The following AMELX variants were observed in gnomAD, a reference collection of about 807,000 sequenced individuals.
AMELX encodes the protein amelogenin, X isoform.
AMELX carries 9 observed loss-of-function variants against 15.8 expected under a neutral mutation model. The observed-to-expected ratio is 0.57, with a 90% CI of 0.34 to 0.99. The LOEUF (loss-of-function observed/expected upper bound fraction) is 0.99, where lower values mean the gene tolerates loss of function less well. AMELX is among the 50% of genes least tolerant of loss of function. The pLI is 0.02. For missense variants in AMELX, 107 were observed against 156.2 expected (o/e 0.68, Z 1.68); for synonymous variants, 61 against 58.8 (o/e 1.04, Z -0.17).
rs750108771 is a variant in AMELX, at chrX:11,300,625, T to A, written c.*13T>A. The A allele has an allele frequency of 2.5e-6, 3 of 1,193,346 alleles. No individual in the cohort carries two copies. The African/African-American group carries it at 5.3e-5, about 21-fold the overall frequency. The stretch of plus-strand genomic sequence containing the variant: ...TTTTCAGGATTAAAAGATCAGAAGA[T>A]GAGAGGGGAATGAATACTTCAGATG... On this transcript the variant is annotated 3_prime_UTR_variant, in exon 6 of 6. Coordinates refer to ENST00000380714, the MANE Select transcript of AMELX (RefSeq NM_001142.2).
At chrX:11,300,349 C>T (rs947369884) in intron 5 of AMELX, among the ~76,000 whole-genome samples, 4 of 111,191 alleles carry the variant, frequency 3.6e-5, no homozygotes, top group Admixed American at 9.6e-5. Flanking sequence ...ACATGCAAGA[C>T]GTACCCCCCA....
chrX:11,304,351 A>T (rs189200994), downstream of AMELX, among the ~76,000 whole-genome samples: 417 of 110,862 alleles, frequency 3.8e-3, 1 homozygote, highest in Middle Eastern at 0.014. Flanking sequence ...CAGCCTCCCA[A>T]AGTGCTAGGA....
At chrX:11,294,252 A>G (rs1013925096) in intron 1 of AMELX, among the ~76,000 whole-genome samples, 11 of 112,300 alleles carry the variant, frequency 9.8e-5, no homozygotes, top group African/African-American at 3.6e-4. Flanking sequence ...GTAGATAGGA[A>G]TTTCTGGAAC....
the AMELX span, among the ~76,000 whole-genome samples, chrX:11,307,340 C>T: frequency 2.1e-4 from 23 of 110,918 alleles, no homozygotes; most frequent in African/African-American, 7.6e-4. Flanking sequence ...GGCTTGCATA[C>T]TCTCTCTACC....
At chrX:11,307,579 C>CTTGGGATCAACTTGTT in the AMELX span, among the ~76,000 whole-genome samples, 2 of 112,650 alleles carry the variant, frequency 1.8e-5, no homozygotes, top group African/African-American at 6.5e-5. Flanking sequence ...TGATTAGGAA[C>CTTGGGATCAACTTGTT]TTGGGATCAA....
At chrX:11,299,494 G>A (rs1281990788) in intron 5 of AMELX, among the ~76,000 whole-genome samples, 1 of 111,907 alleles carries the variant, frequency 8.9e-6, no homozygotes, top group African/African-American at 3.2e-5. Context: ...CTAACTTGGA[G>A]GCGGCTAAAC....
chrX:11,297,722 G>A (rs770869217), intron 3 of AMELX, among the ~76,000 whole-genome samples: 8 of 112,037 alleles, frequency 7.1e-5, no homozygotes, highest in Admixed American at 4.7e-4. Flanking sequence ...CTGTTGAACC[G>A]AAAAGATTGA....
At chrX:11,304,028 G>A (rs895987947), downstream of AMELX, among the ~76,000 whole-genome samples, 1 of 111,561 alleles carries the variant, frequency 9.0e-6, no homozygotes, top group African/African-American at 3.3e-5. Context: ...GGAAGCAGGA[G>A]TGATACAAAA....
chrX:11,300,875 C>T (rs2048165722), downstream of AMELX: 1 of 261,628 alleles, frequency 3.8e-6, no homozygotes, highest in Non-Finnish European at 6.9e-6. Flanking sequence ...ACAAATTCAC[C>T]ATTTGGCAAG....
In AMELX at chrX:11,298,909, C is replaced by T; in HGVS notation, c.506C>T (p.Pro169Leu). The T allele has an allele frequency of 9.1e-6, 11 of 1,211,338 alleles. No homozygotes were observed. Among genetic ancestry groups the T allele is most frequent in the Non-Finnish European group, 1.2e-5 (11 of 895,410 alleles). The change falls in exon 5 of 6, where the codon CCC becomes CTC. Residue 169 changes from proline (P) to leucine (L), a missense_variant. By Grantham distance (98) the Pro-to-Leu change is moderately conservative (BLOSUM62 -3). Coordinates refer to ENST00000380714, the MANE Select transcript of AMELX (RefSeq NM_001142.2). Reference protein sequence around the residue: ...PPMFPMQPLPPMLPDLTLEAW... With the variant: ...PPMFPMQPLPLMLPDLTLEAW... Reference sequence around the variant, plus strand: ...ATGTTCCCCATGCAGCCCCTGCCTCCCATGCTTCCTGATCTGACTCTGGAA... The same window carrying T: ...ATGTTCCCCATGCAGCCCCTGCCTCTCATGCTTCCTGATCTGACTCTGGAA...
At chrX:11,305,987 CTCAAGGCACT>C in the AMELX span, among the ~76,000 whole-genome samples, 1 of 111,922 alleles carries the variant, frequency 8.9e-6, no homozygotes, top group Non-Finnish European at 1.9e-5. Context: ...AAATAACCAA[CTCAAGGCACT>C]TCTGAAGTGA....
intron 2 of AMELX, among the ~76,000 whole-genome samples, chrX:11,296,132 G>A (rs1055606687): frequency 8.9e-6 from 1 of 112,514 alleles, no homozygotes; most frequent in African/African-American, 3.2e-5. Flanking sequence ...GATTTATAAT[G>A]TTTCCACTTT....
chrX:11,296,978 A>G, intron 3 of AMELX, 152 bp downstream of exon 3: 1 of 834,205 alleles, frequency 1.2e-6, no homozygotes, highest in East Asian at 3.2e-5. Context: ...TTAAGCTCTG[A>G]TGGTTGGCCT....
At chrX:11,305,813 C>A in the AMELX span, among the ~76,000 whole-genome samples, 1 of 111,638 alleles carries the variant, frequency 9.0e-6, no homozygotes, top group Non-Finnish European at 1.9e-5. Flanking sequence ...AAGAATGATT[C>A]TTTTGATTAA....
the AMELX span, among the ~76,000 whole-genome samples, chrX:11,309,064 C>T: frequency 3.6e-5 from 4 of 111,657 alleles, no homozygotes; most frequent in East Asian, 2.8e-4. Flanking sequence ...ACACATTGAG[C>T]AAATCCCTCC....
At chrX:11,299,627 A>G (rs1454018498) in intron 5 of AMELX, among the ~76,000 whole-genome samples, 1 of 112,501 alleles carries the variant, frequency 8.9e-6, no homozygotes, top group African/African-American at 3.2e-5. Flanking sequence ...AATGAATGGG[A>G]ATAGTCAACA....
At chrX:11,296,109 T>C (rs958637973) in intron 2 of AMELX, among the ~76,000 whole-genome samples, 1 of 112,498 alleles carries the variant, frequency 8.9e-6, no homozygotes, top group African/African-American at 3.2e-5. Context: ...ATCAACTCTT[T>C]CATTTTCCAT....
chrX:11,301,676 G>A (rs886779554), downstream of AMELX, among the ~76,000 whole-genome samples: 6 of 111,766 alleles, frequency 5.4e-5, no homozygotes, highest in African/African-American at 2.0e-4. Flanking sequence ...AATTGGCATG[G>A]ACCAATTCTA....
chrX:11,299,950 A>G (rs1316630588), intron 5 of AMELX, among the ~76,000 whole-genome samples: 1 of 112,223 alleles, frequency 8.9e-6, no homozygotes, highest in Non-Finnish European at 1.9e-5. Flanking sequence ...CCAATTATAA[A>G]TACCATAGTT....
Sources: gnomAD v4.1 joint callset for allele counts (sites outside exome capture counted in the v4.1 genomes callset) on GRCh38, gnomAD v4.1.1 for gene constraint, MANE v1.5 for transcripts, NCBI Gene and HGNC (gene_info 2026-07-23, HGNC 2026-07-21) for gene names.